The following ARSG variants were observed in gnomAD, a reference collection of about 807,000 sequenced individuals.
ARSG encodes ASG.
A neutral mutation model predicts 50.5 loss-of-function variants in ARSG; 37 were observed. The ratio of observed to expected loss-of-function variants is 0.73; its 90% CI spans 0.56 to 0.96. ARSG has a LOEUF of 0.96. Among genes scored for constraint, ARSG ranks in the 50% least tolerant of loss-of-function variants. The pLI is 0.00. For synonymous variants in ARSG, 225 were observed against 254.6 expected, an observed-to-expected ratio of 0.88 and a Z score of 1.11; for missense variants, 629 against 675.3, an observed-to-expected ratio of 0.93 and a Z score of 0.76.
In ARSG at chr17:68,307,630, T is replaced by C; in HGVS notation, c.137T>C (p.Met46Thr). The change falls in exon 2 of 12, where the codon ATG (methionine) becomes ACG (threonine). Residue 46 changes from methionine (M) to threonine (T), a missense_variant. Physicochemically the swap from Met to Thr is moderately conservative, Grantham distance 81. Coordinates refer to ENST00000621439, the MANE Select transcript of ARSG (RefSeq NM_001267727.2). ...TTTGTGATTATTTTGGCCGATGACATGGGGTGGGGTGACCTGGGAGCAAAC... is the reference window on the plus strand; with the variant it reads ...TTTGTGATTATTTTGGCCGATGACACGGGGTGGGGTGACCTGGGAGCAAAC... ...PNFVIILADD[M>T]GWGDLGANWA... 2 of 1,613,254 alleles carry C rather than the reference T, an allele frequency of 1.2e-6. No individual in the cohort carries two copies. Among genetic ancestry groups the C allele is most frequent in the Non-Finnish European group, 1.7e-6 (2 of 1,179,284 alleles).
intron 9 of ARSG, among the ~76,000 whole-genome samples, chr17:68,392,211 G>A (rs926188262): frequency 2.0e-5 from 3 of 152,196 alleles, no homozygotes; most frequent in African/African-American, 7.2e-5. Context: ...AGTAAGCCCC[G>A]CTGACTTCCA....
chr17:68,432,301 G>A, the ARSG span, among the ~76,000 whole-genome samples: 1 of 152,188 alleles, frequency 6.6e-6, no homozygotes, highest in Non-Finnish European at 1.5e-5. Flanking sequence ...CTCAGGCAGC[G>A]TGGGCTTGCT....
chr17:68,263,823 G>C (rs1293303335), intron 1 of ARSG, among the ~76,000 whole-genome samples: 1 of 152,064 alleles, frequency 6.6e-6, no homozygotes, highest in Non-Finnish European at 1.5e-5. Context: ...TTGCAAACTT[G>C]TGAAACTAAG....
chr17:68,446,911 C>G, the ARSG span, among the ~76,000 whole-genome samples: 2 of 152,168 alleles, frequency 1.3e-5, no homozygotes, highest in East Asian at 3.8e-4. Flanking sequence ...CAGAGGGAAA[C>G]AGAGAGAAAA....
the ARSG span, chr17:68,430,189 G>T: frequency 3.8e-6 from 6 of 1,593,550 alleles, no homozygotes; most frequent in Admixed American, 3.5e-5. Context: ...GCAACGATGG[G>T]ACTGGGCTGC....
intron 9 of ARSG, among the ~76,000 whole-genome samples, chr17:68,391,881 G>A (rs568217198): frequency 6.6e-6 from 1 of 152,188 alleles, no homozygotes; most frequent in Non-Finnish European, 1.5e-5. Context: ...GGAGCCAAAG[G>A]CAAACAGAAA....
At chr17:68,417,414 C>T (rs898491779) in intron 11 of ARSG, among the ~76,000 whole-genome samples, 2 of 152,246 alleles carry the variant, frequency 1.3e-5, no homozygotes, top group East Asian at 3.9e-4. Flanking sequence ...ACTGTAAGAA[C>T]TTGGTTGAGC....
In ARSG at chr17:68,348,664, T is replaced by A. The variant is rs4968805; in HGVS notation, c.454+1492T>A. Among the ~76,000 whole-genome samples the A allele has an allele frequency of 1.3e-3, 200 of 152,236 alleles. 2 individuals are homozygous for A. The highest frequency in any genetic ancestry group is 0.011 in the East Asian group (59 of 5,178). ...CCTCCGCCTCCCAGGTTCAAGTGAT[T>A]CTCATGCCTCAGCCTCCCAAGTAGC... On this transcript the variant is annotated intron_variant, in intron 4 of 11. Coordinates refer to ENST00000621439, the MANE Select transcript of ARSG (RefSeq NM_001267727.2).
chr17:68,291,347 C>T (rs553782567), upstream of ARSG: 40 of 148,350 alleles, frequency 2.7e-4, no homozygotes, highest in African/African-American at 9.3e-4. Flanking sequence ...TGCGTGCTGC[C>T]GCCCGCGCCC....
At position 68,420,651 on chromosome 17, in the gene ARSG, C is replaced by T. The variant is rs943893774; in HGVS notation, c.*188C>T. On this transcript the variant is annotated 3_prime_UTR_variant, in exon 12 of 12. Coordinates refer to ENST00000621439, the MANE Select transcript of ARSG (RefSeq NM_001267727.2). ...CGCCGACCCGAGAGCAGCTGAGCTGCGCTGGCTCTGGGCAGGGAGTGTGCC... is the reference window on the plus strand; with the variant it reads ...CGCCGACCCGAGAGCAGCTGAGCTGTGCTGGCTCTGGGCAGGGAGTGTGCC... 8 of 696,016 alleles carry T rather than the reference C, an allele frequency of 1.1e-5. No individual in the cohort carries two copies. The highest frequency in any genetic ancestry group is 3.7e-4 in the Middle Eastern group (1 of 2,676). The allele number at this position is 696,016 out of a possible 1,614,324, so 43.1% of individuals were successfully genotyped here. A position where few individuals can be genotyped will look rare whatever the true frequency, so the allele number is the denominator to read the frequency against.
At chr17:68,438,389 C>T in the ARSG span, among the ~76,000 whole-genome samples, 1 of 152,206 alleles carries the variant, frequency 6.6e-6, no homozygotes, top group African/African-American at 2.4e-5. Flanking sequence ...ATTTCAAGAA[C>T]AGCTAGGCAG....
At chr17:68,429,786 A>C in the ARSG span, among the ~76,000 whole-genome samples, 1 of 152,074 alleles carries the variant, frequency 6.6e-6, no homozygotes, top group African/African-American at 2.4e-5. Context: ...ACGGGATTTC[A>C]CCACGTTGGC....
chr17:68,367,657 G>A lies in ARSG; in HGVS notation c.705-891G>A, dbSNP rs1322904872. Among the ~76,000 whole-genome samples, 1 of 152,202 alleles carries A rather than the reference G, an allele frequency of 6.6e-6. No homozygotes were observed. Among genetic ancestry groups the A allele is most frequent in the African/African-American group, 2.4e-5 (1 of 41,450 alleles). ...GCACTTTCCAGGGAAATCAGGATGA[G>A]TACAGAGGCAGCCGAACAACAAGGC... On this transcript the variant is annotated intron_variant, in intron 6 of 11. Transcript: ENST00000621439. This position sits in a 1 kb window ranked among gnomAD's most constrained non-coding sequence, Gnocchi z 4.5.
chr17:68,339,992 A>C (rs150979028), intron 2 of ARSG, among the ~76,000 whole-genome samples: 641 of 152,154 alleles, frequency 4.2e-3, no homozygotes, highest in Non-Finnish European at 6.9e-3. Flanking sequence ...AAAATAGATG[A>C]GGGTTGGGTG....
chr17:68,321,047 A>G (rs1005924559), intron 2 of ARSG, among the ~76,000 whole-genome samples: 8 of 151,990 alleles, frequency 5.3e-5, no homozygotes, highest in Admixed American at 5.2e-4. Flanking sequence ...TGCGGTGGCT[A>G]CTTAGGAGGC....
At chr17:68,285,884 C>T (rs1235290157) in intron 1 of ARSG, among the ~76,000 whole-genome samples, 8 of 152,044 alleles carry the variant, frequency 5.3e-5, no homozygotes, top group African/African-American at 1.9e-4. Flanking sequence ...GTCAGCCTCC[C>T]AAGTAGCTGG....
intron 5 of ARSG, among the ~76,000 whole-genome samples, chr17:68,354,420 A>G (rs8071042): frequency 0.49 from 73,669 of 149,634 alleles, 18,425 homozygotes; most frequent in Admixed American, 0.57. Context: ...CTCAAAAAAA[A>G]AAAAAAAGAA....
chr17:68,413,897 C>T (rs1436754562), intron 11 of ARSG: 2 of 152,486 alleles, frequency 1.3e-5, no homozygotes, highest in Non-Finnish European at 2.9e-5. Flanking sequence ...TCTGTCACCC[C>T]TTTCTTTGAC....
intron 1 of ARSG, among the ~76,000 whole-genome samples, chr17:68,261,624 CCA>C (rs1474717341): frequency 6.6e-6 from 1 of 152,114 alleles, no homozygotes; most frequent in Non-Finnish European, 1.5e-5. Context: ...AGCAATCTGC[CCA>C]CCTTAGCCTC....
Sources: allele counts gnomAD v4.1 joint callset (sites outside exome capture counted in the v4.1 genomes callset), GRCh38; gene constraint gnomAD v4.1.1; non-coding constraint Gnocchi (gnomAD v3.1); transcripts MANE v1.5; gene names NCBI Gene and HGNC (gene_info 2026-07-23, HGNC 2026-07-21).